The following SRPK2 variants were observed in gnomAD, a reference collection of about 807,000 sequenced individuals.
SRPK2 encodes the protein SFRS protein kinase 2.
Under a neutral mutation model 90.8 loss-of-function variants are expected in SRPK2, and 21 were observed. That is an observed-to-expected ratio of 0.23 (90% CI 0.16 to 0.33). The LOEUF is 0.33. Ranked by LOEUF, SRPK2 falls within the 10% of genes least tolerant of loss-of-function variation. The pLI, the probability that SRPK2 is intolerant of heterozygous loss-of-function variation, is 1.00. For synonymous variants in SRPK2, 288 were observed against 311.1 expected (o/e 0.93, Z 0.78); for missense variants, 620 against 869.0 (o/e 0.71, Z 3.60).
intron 2 of SRPK2, among the ~76,000 whole-genome samples, chr7:105,248,875 G>A (rs13236285): frequency 1.3e-5 from 2 of 149,752 alleles, no homozygotes; most frequent in African/African-American, 4.9e-5. Flanking sequence ...GCAATGAGCC[G>A]AGATCGTGCC....
At chr7:105,152,012 A>T (rs1805756329) in intron 7 of SRPK2, among the ~76,000 whole-genome samples, 1 of 135,872 alleles carries the variant, frequency 7.4e-6, no homozygotes, top group Non-Finnish European at 1.6e-5. Context: ...CAACAGAGTG[A>T]GGTTCTGTCT....
chr7:105,130,533 G>A (rs1801850801), intron 13 of SRPK2, among the ~76,000 whole-genome samples: 2 of 152,058 alleles, frequency 1.3e-5, no homozygotes, highest in Admixed American at 1.3e-4. Context: ...TTGGGGAACA[G>A]AGCAAGACCT....
chr7:105,391,535 A>T (rs1472486257), upstream of SRPK2, among the ~76,000 whole-genome samples: 1 of 152,102 alleles, frequency 6.6e-6, no homozygotes, highest in South Asian at 2.1e-4. Context: ...ATAAGGCCAA[A>T]CGTGATGTCT....
At chr7:105,171,746 T>C (rs1413602919) in intron 3 of SRPK2, among the ~76,000 whole-genome samples, 1 of 152,214 alleles carries the variant, frequency 6.6e-6, no homozygotes, top group Non-Finnish European at 1.5e-5. Flanking sequence ...TCAAGGTGTA[T>C]GACAACATTT....
At chr7:105,182,742 A>G (rs1270710908) in intron 3 of SRPK2, among the ~76,000 whole-genome samples, 1 of 152,246 alleles carries the variant, frequency 6.6e-6, no homozygotes, top group Non-Finnish European at 1.5e-5. Flanking sequence ...TGCTGGGATT[A>G]CAGGCGTGAG....
At chr7:105,273,052 A>G (rs1806028566) in intron 2 of SRPK2, among the ~76,000 whole-genome samples, 1 of 151,774 alleles carries the variant, frequency 6.6e-6, no homozygotes, top group Non-Finnish European at 1.5e-5. Flanking sequence ...CGTCTCTACT[A>G]AAAATACAAA....
intron 4 of SRPK2, 45 bp downstream of exon 4, chr7:105,169,112 G>C (rs946778423): frequency 2.6e-6 from 4 of 1,530,928 alleles, no homozygotes; most frequent in Non-Finnish European, 3.6e-6. Context: ...CACAGATGTT[G>C]AACTACTCCA....
intron 2 of SRPK2, among the ~76,000 whole-genome samples, chr7:105,334,853 A>C (rs1302165784): frequency 1.3e-5 from 2 of 150,710 alleles, no homozygotes; most frequent in African/African-American, 2.5e-5. Context: ...AAAAAACAAA[A>C]AAAAAATTAA....
At chr7:105,384,952 C>A (rs1423399249) in intron 2 of SRPK2, among the ~76,000 whole-genome samples, 2 of 151,692 alleles carry the variant, frequency 1.3e-5, no homozygotes, top group East Asian at 3.9e-4. Flanking sequence ...TCTCGGCTCA[C>A]TGCAAGCTCC....
At chr7:105,320,998 T>C (rs1585695408) in intron 2 of SRPK2, among the ~76,000 whole-genome samples, 1 of 119,558 alleles carries the variant, frequency 8.4e-6, no homozygotes, top group Non-Finnish European at 2.1e-5. Context: ...ACTCAGCTAG[T>C]TTTTAAAATT....
chr7:105,188,456 A>G (rs1341302856), intron 3 of SRPK2, among the ~76,000 whole-genome samples: 1 of 152,208 alleles, frequency 6.6e-6, no homozygotes, highest in East Asian at 1.9e-4. Context: ...ACACAATTGT[A>G]CCCTTTAAAG....
intron 2 of SRPK2, among the ~76,000 whole-genome samples, chr7:105,383,172 C>T (rs1479548181): frequency 7.0e-6 from 1 of 142,870 alleles, no homozygotes; most frequent in Non-Finnish European, 1.5e-5. Context: ...TCACGCCATT[C>T]TCCCGCCTCA....
chr7:105,220,565 A>G (rs1339577589), intron 2 of SRPK2, among the ~76,000 whole-genome samples: 1 of 152,182 alleles, frequency 6.6e-6, no homozygotes, highest in East Asian at 1.9e-4. Context: ...TCAAAAACTC[A>G]AATTTAAATT....
At chr7:105,176,238 ACAT>A (rs1368638094) in intron 3 of SRPK2, among the ~76,000 whole-genome samples, 1 of 152,234 alleles carries the variant, frequency 6.6e-6, no homozygotes, top group Non-Finnish European at 1.5e-5. Context: ...TATGATGAGC[ACAT>A]CAGACACAGA....
At chr7:105,218,542 T>TA (rs1464051375) in intron 2 of SRPK2, among the ~76,000 whole-genome samples, 1 of 152,124 alleles carries the variant, frequency 6.6e-6, no homozygotes, top group Admixed American at 6.6e-5. Context: ...TAGATACAAA[T>TA]AGACGTAGGT....
At chr7:105,255,159 ATAAT>A (rs1400275703) in intron 2 of SRPK2, among the ~76,000 whole-genome samples, 3 of 85,986 alleles carry the variant, frequency 3.5e-5, no homozygotes, top group Admixed American at 1.2e-4. Context: ...TGCTAAAATG[ATAAT>A]TAAGTTAGAG....
chr7:105,325,107 A>G (rs1813410086), intron 2 of SRPK2, among the ~76,000 whole-genome samples: 1 of 152,170 alleles, frequency 6.6e-6, no homozygotes, highest in Non-Finnish European at 1.5e-5. Context: ...ATCCTTAAAC[A>G]TACTAACTTA....
chr7:105,318,536 A>C (rs980300079), intron 2 of SRPK2, among the ~76,000 whole-genome samples: 1 of 152,232 alleles, frequency 6.6e-6, no homozygotes, highest in African/African-American at 2.4e-5. Flanking sequence ...GTCTGTCCTA[A>C]GAGCAAAATG....
intron 2 of SRPK2, among the ~76,000 whole-genome samples, chr7:105,382,346 A>T (rs1397557213): frequency 6.6e-6 from 1 of 151,832 alleles, no homozygotes; most frequent in Non-Finnish European, 1.5e-5. Context: ...TGAGGTCAGG[A>T]GCTCGAGACC....
Sources: gnomAD v4.1 joint callset for allele counts (sites outside exome capture counted in the v4.1 genomes callset) on GRCh38, gnomAD v4.1.1 for gene constraint, MANE v1.5 for transcripts, NCBI Gene and HGNC (gene_info 2026-07-23, HGNC 2026-07-21) for gene names.